The following GAS7 variants were observed in gnomAD, a reference collection of about 807,000 sequenced individuals.
GAS7 encodes growth arrest-specific protein 7.
A neutral mutation model predicts 71.1 loss-of-function variants in GAS7; 28 were observed. The ratio of observed to expected loss-of-function variants is 0.39; its 90% CI spans 0.29 to 0.54. GAS7 has a LOEUF of 0.54. Among genes scored for constraint, GAS7 ranks in the 20% least tolerant of loss-of-function variants. The pLI is 0.62. For synonymous variants in GAS7, 258 were observed against 245.8 expected (o/e 1.05, Z -0.46); for missense variants, 436 against 627.8 (o/e 0.69, Z 3.27).
At chr17:10,183,939 A>G (rs2074434856) in intron 1 of GAS7, among the ~76,000 whole-genome samples, 1 of 151,934 alleles carries the variant, frequency 6.6e-6, no homozygotes. Flanking sequence ...CCCTCTTGCC[A>G]AGCACTCTGC....
At chr17:9,970,746 A>G (rs574669740) in intron 3 of GAS7, among the ~76,000 whole-genome samples, 2 of 152,340 alleles carry the variant, frequency 1.3e-5, no homozygotes, top group African/African-American at 2.4e-5. Flanking sequence ...ACTTGCTGAT[A>G]AACCTGCTCT....
chr17:9,963,570 C>T (rs768235), intron 4 of GAS7, among the ~76,000 whole-genome samples: 17,869 of 151,746 alleles, frequency 0.12, 2,898 homozygotes, highest in African/African-American at 0.36. Flanking sequence ...GAAAAGCAGC[C>T]ATAAAAGGGA....
chr17:10,118,210 C>T (rs1396824243), intron 1 of GAS7, among the ~76,000 whole-genome samples: 7 of 152,140 alleles, frequency 4.6e-5, no homozygotes, highest in East Asian at 3.9e-4. Flanking sequence ...ACAGGGATAT[C>T]GCCTGAGCCC....
intron 1 of GAS7, among the ~76,000 whole-genome samples, chr17:10,140,365 G>A (rs1018280834): frequency 1.4e-4 from 21 of 152,136 alleles, no homozygotes; most frequent in African/African-American, 5.1e-4. Flanking sequence ...GGGAGGCTAC[G>A]GTGGGAACAT....
intron 3 of GAS7, among the ~76,000 whole-genome samples, chr17:9,971,451 G>C (rs1369372845): frequency 6.6e-6 from 1 of 152,014 alleles, no homozygotes; most frequent in African/African-American, 2.4e-5. Context: ...TGTAGTTCCA[G>C]TAACTCGGGA....
chr17:10,191,677 C>T (rs369158403), intron 1 of GAS7, among the ~76,000 whole-genome samples: 15 of 151,264 alleles, frequency 9.9e-5, no homozygotes, highest in Middle Eastern at 6.8e-3. Context: ...GAGTTCGAGA[C>T]CAGCCTGGCC....
intron 1 of GAS7, among the ~76,000 whole-genome samples, chr17:10,126,529 GCA>G (rs892270136): frequency 1.4e-4 from 10 of 71,668 alleles, no homozygotes; most frequent in South Asian, 6.4e-4. Flanking sequence ...GCACACACAA[GCA>G]CACACACAAA....
chr17:9,952,684 C>T (rs1010399238), intron 5 of GAS7, among the ~76,000 whole-genome samples: 2 of 152,178 alleles, frequency 1.3e-5, no homozygotes, highest in Admixed American at 6.5e-5. Context: ...TGAGTCACCG[C>T]GCCCGGCCCA....
At chr17:9,952,086 T>A (rs1429028488) in intron 5 of GAS7, among the ~76,000 whole-genome samples, 1 of 152,122 alleles carries the variant, frequency 6.6e-6, no homozygotes, top group Non-Finnish European at 1.5e-5. Context: ...TACCACTCAG[T>A]CCCCTTCTTG....
At chr17:9,950,963 C>T in intron 5 of GAS7, among the ~76,000 whole-genome samples, 1 of 152,142 alleles carries the variant, frequency 6.6e-6, no homozygotes, top group South Asian at 2.1e-4. Flanking sequence ...GAGTTTTCTC[C>T]CAGGCCTCAG....
At chr17:9,939,676 C>A (rs925931805) in intron 8 of GAS7, among the ~76,000 whole-genome samples, 1 of 151,694 alleles carries the variant, frequency 6.6e-6, no homozygotes, top group Non-Finnish European at 1.5e-5. Flanking sequence ...GTGGCCCGAT[C>A]GCAGCTCACT....
At chr17:10,190,359 C>T (rs1405791522) in intron 1 of GAS7, among the ~76,000 whole-genome samples, 5 of 151,658 alleles carry the variant, frequency 3.3e-5, no homozygotes, top group Non-Finnish European at 7.4e-5. Context: ...CCAAGGCGGG[C>T]GGATCATGAG....
intron 5 of GAS7, among the ~76,000 whole-genome samples, chr17:9,952,256 C>A (rs1218846814): frequency 6.6e-6 from 1 of 152,162 alleles, no homozygotes; most frequent in Non-Finnish European, 1.5e-5. Context: ...CATTCGTGAT[C>A]CATTTAGCAG....
intron 1 of GAS7, among the ~76,000 whole-genome samples, chr17:10,023,915 GGAGTTC>G (rs930691177): frequency 6.6e-6 from 1 of 152,170 alleles, no homozygotes; most frequent in African/African-American, 2.4e-5. Flanking sequence ...CCTGAGGTCA[GGAGTTC>G]GAGACCAGCC....
chr17:10,058,433 C>A (rs1185103184), intron 1 of GAS7, among the ~76,000 whole-genome samples: 1 of 147,898 alleles, frequency 6.8e-6, no homozygotes, highest in Non-Finnish European at 1.5e-5. Flanking sequence ...GCCTGGGCTA[C>A]AGAGCGAGAC....
At position 9,912,160 on chromosome 17, in the gene GAS7, TC is replaced by T. The variant is rs2067456229; in HGVS notation, c.*5067del. 2 of 232,308 alleles carry T rather than the reference TC, an allele frequency of 8.6e-6. No homozygotes were observed. Among genetic ancestry groups the T allele is most frequent in the African/African-American group, 4.4e-5 (2 of 45,294 alleles). 14.4% of individuals were successfully genotyped at this position (232,308 alleles called of 1,614,324 possible). On this transcript the variant is annotated 3_prime_UTR_variant, in exon 14 of 14. Coordinates refer to ENST00000432992, the MANE Select transcript of GAS7 (RefSeq NM_201433.2). ...GGGGTCCTAGGAGAAACTACCTCAT[TC>T]TTAACAGCTCATAAAACTCTTAATT...
intron 5 of GAS7, among the ~76,000 whole-genome samples, chr17:9,958,069 C>T (rs1384628284): frequency 5.9e-5 from 9 of 152,084 alleles, no homozygotes; most frequent in Admixed American, 3.9e-4. Flanking sequence ...CCATTTAGTC[C>T]CTACACCATC....
intron 1 of GAS7, among the ~76,000 whole-genome samples, chr17:10,170,292 AAAAGCCCTCGTGCT>A (rs1159399244): frequency 6.6e-6 from 1 of 151,976 alleles, no homozygotes. Context: ...TGAGGGTCTC[AAAAGCCCTCGTGCT>A]TTGGCCCCAC....
chr17:10,145,853 G>T (rs1369093892), intron 1 of GAS7, among the ~76,000 whole-genome samples: 4 of 152,226 alleles, frequency 2.6e-5, no homozygotes, highest in Non-Finnish European at 4.4e-5. Flanking sequence ...GTTCAATGAA[G>T]TGGAATGGCT....
Sources: gnomAD v4.1 joint callset for allele counts (sites outside exome capture counted in the v4.1 genomes callset) on GRCh38, gnomAD v4.1.1 for gene constraint, MANE v1.5 for transcripts, NCBI Gene and HGNC (gene_info 2026-07-23, HGNC 2026-07-21) for gene names.